Variants in TADA2A observed in about 807,000 individuals in gnomAD.
The protein encoded by TADA2A is transcriptional adaptor 2A, also known as transcriptional adapter 2-alpha.
Under a neutral mutation model 67.4 loss-of-function variants are expected in TADA2A, and 38 were observed. That is an observed-to-expected ratio of 0.56 (90% CI 0.44 to 0.74). The LOEUF (loss-of-function observed/expected upper bound fraction) is 0.74. Ranked by LOEUF, TADA2A falls within the 30% of genes least tolerant of loss-of-function variation. The pLI, the probability that TADA2A is intolerant of heterozygous loss-of-function variation, is 0.00. For synonymous variants in TADA2A, 192 were observed against 181.6 expected (o/e 1.06, Z -0.46); for missense variants, 454 against 547.0 (o/e 0.83, Z 1.70).
intron 3 of TADA2A, among the ~76,000 whole-genome samples, chr17:37,424,175 G>A (rs573054371): frequency 6.6e-6 from 1 of 152,230 alleles, no homozygotes; most frequent in African/African-American, 2.4e-5. Flanking sequence ...GCTCATGCCT[G>A]TAGTCCTAGC....
Position 37,478,328 on chromosome 17 carries a change from C to T in TADA2A, c.*1346C>T, listed in dbSNP as rs544709593. ...ACACTTAAGGTGTTGGATGCCTGCCCCATCACGCTGCACTGTCTGCTGTCA... is the reference window on the plus strand; with the variant it reads ...ACACTTAAGGTGTTGGATGCCTGCCTCATCACGCTGCACTGTCTGCTGTCA... On this transcript the variant is annotated 3_prime_UTR_variant, in exon 16 of 16. Transcript: ENST00000615182. 1 of 152,270 alleles carries T rather than the reference C, an allele frequency of 6.6e-6. No individual in the cohort carries two copies. The highest frequency in any genetic ancestry group is 2.1e-4 in the South Asian group (1 of 4,820). 9.4% of individuals were successfully genotyped at this position (152,270 alleles called of 1,614,324 possible).
chr17:37,411,976 C>T (rs553524702), intron 2 of TADA2A, among the ~76,000 whole-genome samples: 1 of 151,058 alleles, frequency 6.6e-6, no homozygotes, highest in African/African-American at 2.4e-5. Context: ...TTTGGGAGGC[C>T]GAGGCAGGCA....
intron 2 of TADA2A, among the ~76,000 whole-genome samples, chr17:37,412,015 C>T (rs575443231): frequency 4.0e-5 from 6 of 151,100 alleles, no homozygotes; most frequent in African/African-American, 1.5e-4. Flanking sequence ...TGGAGACCAT[C>T]CTGGCTAACA....
chr17:37,447,306 C>T (rs1300778213), intron 8 of TADA2A, among the ~76,000 whole-genome samples: 1 of 152,166 alleles, frequency 6.6e-6, no homozygotes, highest in Non-Finnish European at 1.5e-5. Context: ...GGATTAGCGC[C>T]ACCATGCCCA....
chr17:37,446,861 A>G (rs1438252034), intron 8 of TADA2A, among the ~76,000 whole-genome samples: 1 of 152,094 alleles, frequency 6.6e-6, no homozygotes, highest in Non-Finnish European at 1.5e-5. Context: ...TGGGAGTAGG[A>G]CTTGCAGTTC....
intron 14 of TADA2A, 70 bp downstream of exon 14, chr17:37,471,207 C>G: frequency 6.7e-7 from 1 of 1,496,586 alleles, no homozygotes; most frequent in Non-Finnish European, 9.2e-7. Flanking sequence ...AGTGACCCAG[C>G]AATCTTCCTT....
intron 3 of TADA2A, among the ~76,000 whole-genome samples, chr17:37,425,150 G>A (rs2052366889): frequency 6.6e-6 from 1 of 152,174 alleles, no homozygotes; most frequent in Non-Finnish European, 1.5e-5. Context: ...AAAGTGCTGG[G>A]ATTACAGGCG....
At chr17:37,419,969 C>T (rs541950508) in intron 2 of TADA2A, among the ~76,000 whole-genome samples, 72 of 144,852 alleles carry the variant, frequency 5.0e-4, no homozygotes, top group African/African-American at 1.7e-3. Flanking sequence ...GAGCTGAGAT[C>T]GCGCCACTGC....
intron 13 of TADA2A, among the ~76,000 whole-genome samples, chr17:37,470,832 G>A (rs2053771796): frequency 6.6e-6 from 1 of 152,122 alleles, no homozygotes; most frequent in African/African-American, 2.4e-5. Flanking sequence ...GGGGAATCAT[G>A]TTTGTATCCC....
chr17:37,439,973 C>T (rs542471887), intron 5 of TADA2A, among the ~76,000 whole-genome samples: 10 of 131,528 alleles, frequency 7.6e-5, no homozygotes, highest in South Asian at 2.4e-4. Flanking sequence ...GATGGAGTTT[C>T]GCTCTTGTTG....
intron 7 of TADA2A, among the ~76,000 whole-genome samples, chr17:37,444,449 GT>G (rs2147979996): frequency 6.6e-6 from 1 of 152,194 alleles, no homozygotes; most frequent in East Asian, 1.9e-4. Flanking sequence ...AGAGCAGTAT[GT>G]TTAGCTTCAT....
At chr17:37,432,772 T>C (rs1247482059) in intron 4 of TADA2A, among the ~76,000 whole-genome samples, 1 of 152,174 alleles carries the variant, frequency 6.6e-6, no homozygotes, top group African/African-American at 2.4e-5. Flanking sequence ...AATAAACGAT[T>C]GGCAAGTTTT....
intron 15 of TADA2A, 103 bp downstream of exon 15, chr17:37,474,732 A>G (rs2053858855): frequency 3.2e-6 from 4 of 1,242,166 alleles, no homozygotes; most frequent in African/African-American, 1.5e-5. Context: ...TGTTTCATTC[A>G]TCTAACATAT....
At chr17:37,439,164 G>A (rs1401183289) in intron 5 of TADA2A, among the ~76,000 whole-genome samples, 1 of 152,080 alleles carries the variant, frequency 6.6e-6, no homozygotes, top group African/African-American at 2.4e-5. Context: ...ATGCAGTGGT[G>A]TGATCACAGT....
intron 4 of TADA2A, among the ~76,000 whole-genome samples, chr17:37,435,833 G>T (rs1003870887): frequency 6.6e-6 from 1 of 152,006 alleles, no homozygotes; most frequent in South Asian, 2.1e-4. Flanking sequence ...ACCCACCCAG[G>T]TCTCCCAAAG....
rs533562892 is a variant in TADA2A, at chr17:37,466,933, G to T, written c.824-521G>T. Among the ~76,000 whole-genome samples the T allele has an allele frequency of 4.1e-4, 62 of 152,268 alleles. 3 individuals are homozygous for T. The South Asian group carries it at 0.013, about 31-fold the overall frequency. On this transcript the variant is annotated intron_variant, in intron 11 of 15. Transcript: ENST00000615182. ...CTACTTTGGAAGGCCGAGGCGGGTG[G>T]ATCACCTGAGGTCAGGAATTCGAGA... is the stretch of plus-strand genomic sequence containing the variant.
chr17:37,462,201 T>C, intron 10 of TADA2A, 80 bp downstream of exon 10: 1 of 995,068 alleles, frequency 1.0e-6, no homozygotes, highest in Non-Finnish European at 1.5e-6. Flanking sequence ...CGTATTGTAG[T>C]TCTTAATCCA....
Position 37,473,606 on chromosome 17 carries a change from A to G in TADA2A, c.1073-950A>G, listed in dbSNP as rs748474214. On this transcript the variant is annotated intron_variant, in intron 14 of 15. Transcript: ENST00000615182. ...TAAAACTTCGACATTTTCTTTGCTT[A>G]ACTCAGTCTATCCATTCCCAGCTGA... 1.4e-4 allele frequency among the ~76,000 whole-genome samples: 21 copies of G among 152,266 alleles called. 1 individual carries two copies. Among genetic ancestry groups the G allele is most frequent in the Middle Eastern group, 3.4e-3 (1 of 294 alleles).
rs141244864 is a variant in TADA2A, at chr17:37,476,785, C to T, written c.1147-12C>T. ...AGATGTTAATGTTTATTAAATTTGC[C>T]GTGTCTTGCAGCTCTGTCAGATGGT... On this transcript the variant is annotated splice_polypyrimidine_tract_variant and intron_variant, in intron 15 of 15. Coordinates refer to ENST00000615182, the MANE Select transcript of TADA2A (RefSeq NM_001166105.3). 160 of 1,586,172 alleles carry T rather than the reference C, an allele frequency of 1.0e-4. No individual in the cohort carries two copies. The African/African-American group carries it at 1.7e-3, about 17-fold the overall frequency.
Sources: allele counts gnomAD v4.1 joint callset (sites outside exome capture counted in the v4.1 genomes callset), GRCh38; gene constraint gnomAD v4.1.1; transcripts MANE v1.5; gene names NCBI Gene and HGNC (gene_info 2026-07-23, HGNC 2026-07-21).